Variants in SNX29 observed in about 807,000 individuals in gnomAD.
SNX29 encodes the protein sorting nexin-29.
Under a neutral mutation model 102.1 loss-of-function variants are expected in SNX29, and 78 were observed. The ratio of observed to expected loss-of-function variants is 0.76; its 90% confidence interval spans 0.64 to 0.92. The LOEUF is 0.92. SNX29 is among the 40% of genes least tolerant of loss of function. The probability of loss-of-function intolerance (pLI) is 0.00; values close to 1 mark genes in which losing one functional copy is unlikely to be tolerated. For synonymous variants in SNX29, 580 were observed against 414.5 expected (o/e 1.40, Z -4.85); for missense variants, 1,280 against 1,061.7 (o/e 1.21, Z -2.86).
intron 20 of SNX29, among the ~76,000 whole-genome samples, chr16:12,542,715 TTTACTC>T (rs921228074): frequency 4.0e-5 from 6 of 151,342 alleles, no homozygotes; most frequent in East Asian, 2.0e-4. Context: ...GTCCCAGTCT[TTTACTC>T]TTAAATCTTG....
intron 3 of SNX29, among the ~76,000 whole-genome samples, chr16:12,025,621 G>C (rs1239268987): frequency 3.9e-5 from 6 of 152,208 alleles, no homozygotes; most frequent in Admixed American, 6.6e-5. Flanking sequence ...TGCAGGGCCA[G>C]CTTTGGTCAT....
chr16:12,313,292 G>A (rs950763679), intron 15 of SNX29, among the ~76,000 whole-genome samples: 2 of 152,202 alleles, frequency 1.3e-5, no homozygotes, highest in Non-Finnish European at 2.9e-5. Context: ...GGGATTACAG[G>A]CGTGAGCCAC....
Position 12,474,260 on chromosome 16 carries a change from C to T in SNX29, c.2038-3459C>T, listed in dbSNP as rs986220149. ...TAACTTGCGGCTGGGCAGTGAGGTG[C>T]GTAGTGCCTGGGATAGGACTCAACA... On this transcript the variant is annotated intron_variant, in intron 18 of 20. Transcript: ENST00000566228. Among the ~76,000 whole-genome samples, 4 of 152,188 alleles carry T rather than the reference C, an allele frequency of 2.6e-5. No individual in the cohort carries two copies. The South Asian group carries it at 6.2e-4, about 24-fold the overall frequency.
chr16:12,008,643 CTTT>C (rs554995778), intron 3 of SNX29, among the ~76,000 whole-genome samples: 5 of 151,676 alleles, frequency 3.3e-5, no homozygotes, highest in African/African-American at 1.2e-4. Flanking sequence ...GTATGCCTCT[CTTT>C]TTTAAAAGAG....
chr16:12,223,401 C>A (rs571220090), intron 14 of SNX29, among the ~76,000 whole-genome samples: 1 of 152,124 alleles, frequency 6.6e-6, no homozygotes, highest in Non-Finnish European at 1.5e-5. Flanking sequence ...GTGGCTTATG[C>A]CTGTAATCCC....
At chr16:12,101,393 T>A (rs886794638) in intron 11 of SNX29, among the ~76,000 whole-genome samples, 46 of 151,318 alleles carry the variant, frequency 3.0e-4, no homozygotes, top group African/African-American at 1.1e-3. Context: ...TTTATTTTTT[T>A]TTTTTTTTGA....
At chr16:12,549,036 T>TA in intron 20 of SNX29, among the ~76,000 whole-genome samples, 1 of 152,348 alleles carries the variant, frequency 6.6e-6, no homozygotes, top group Non-Finnish European at 1.5e-5. Context: ...TGGAGTATCT[T>TA]AGGTGAGTCC....
At chr16:12,210,881 G>T (rs1475617947) in intron 14 of SNX29, among the ~76,000 whole-genome samples, 1 of 152,048 alleles carries the variant, frequency 6.6e-6, no homozygotes, top group Non-Finnish European at 1.5e-5. Flanking sequence ...TACTAAGTTT[G>T]TAAACAGGAG....
chr16:12,547,568 C>T (rs748652982), intron 20 of SNX29, among the ~76,000 whole-genome samples: 13 of 151,962 alleles, frequency 8.6e-5, no homozygotes, highest in Non-Finnish European at 4.4e-5. Context: ...TTAACATCCC[C>T]CTCCCTCACG....
intron 8 of SNX29, among the ~76,000 whole-genome samples, chr16:12,059,170 A>C (rs889773686): frequency 2.0e-5 from 3 of 152,032 alleles, no homozygotes; most frequent in African/African-American, 7.2e-5. Context: ...TTGTACTTGC[A>C]TATGTTGCGG....
chr16:12,222,905 C>T (rs961102801), intron 14 of SNX29, among the ~76,000 whole-genome samples: 3 of 152,114 alleles, frequency 2.0e-5, no homozygotes, highest in Non-Finnish European at 4.4e-5. Context: ...CTTTGACAGC[C>T]CTTTGAGGCC....
At chr16:12,014,732 CAAAA>C (rs201224471) in intron 3 of SNX29, among the ~76,000 whole-genome samples, 1 of 72,092 alleles carries the variant, frequency 1.4e-5, no homozygotes, top group Non-Finnish European at 2.5e-5. Flanking sequence ...AGCTCCGTCT[CAAAA>C]AAAAAAAAAA....
At chr16:12,413,809 C>T (rs764379126) in intron 18 of SNX29, among the ~76,000 whole-genome samples, 24 of 152,226 alleles carry the variant, frequency 1.6e-4, no homozygotes, top group Non-Finnish European at 3.1e-4. Flanking sequence ...AGTGGCCTTA[C>T]TCACTTACCG....
intron 18 of SNX29, among the ~76,000 whole-genome samples, chr16:12,472,617 T>A (rs150730072): frequency 6.6e-6 from 1 of 151,866 alleles, no homozygotes; most frequent in East Asian, 1.9e-4. Flanking sequence ...CACTATTGAT[T>A]AGAACAGGGC....
At chr16:12,539,226 C>A (rs566086907) in intron 20 of SNX29, among the ~76,000 whole-genome samples, 1 of 152,182 alleles carries the variant, frequency 6.6e-6, no homozygotes, top group East Asian at 1.9e-4. Context: ...AAGATATAGA[C>A]CAGTTCCTTC....
At chr16:12,003,067 G>A (rs764568580) in intron 3 of SNX29, 24 bp downstream of exon 3, 27 of 1,613,728 alleles carry the variant, frequency 1.7e-5, no homozygotes, top group Middle Eastern at 1.7e-4. Flanking sequence ...TTCTAAAACC[G>A]TTGACCATCG....
intron 10 of SNX29, among the ~76,000 whole-genome samples, chr16:12,071,286 G>C (rs1168206735): frequency 6.6e-6 from 1 of 152,050 alleles, no homozygotes; most frequent in African/African-American, 2.4e-5. Flanking sequence ...TTTCTTATAG[G>C]GTTTTTATGG....
intron 13 of SNX29, among the ~76,000 whole-genome samples, chr16:12,130,348 G>A (rs1458681503): frequency 4.0e-5 from 6 of 151,416 alleles, no homozygotes; most frequent in Admixed American, 3.3e-4. Context: ...GGTGACGGAC[G>A]CCTGTAGTCC....
intron 11 of SNX29, among the ~76,000 whole-genome samples, chr16:12,079,769 C>T (rs550308773): frequency 2.0e-5 from 3 of 152,248 alleles, no homozygotes; most frequent in South Asian, 2.1e-4. Context: ...CATCAGAGAC[C>T]GGGACTCCTC....
Sources: gnomAD v4.1 joint callset for allele counts (sites outside exome capture counted in the v4.1 genomes callset) on GRCh38, gnomAD v4.1.1 for gene constraint, MANE v1.5 for transcripts, NCBI Gene and HGNC (gene_info 2026-07-23, HGNC 2026-07-21) for gene names.